CALN1: variants seen among roughly 807,000 people sequenced by gnomAD.
CALN1 encodes calneuron 1.
A neutral mutation model predicts 30.6 loss-of-function variants in CALN1; 17 were observed. The observed-to-expected ratio is 0.56, with a 90% CI of 0.38 to 0.83. The LOEUF is 0.83. Among genes scored for constraint, CALN1 ranks in the 40% least tolerant of loss-of-function variants. The pLI is 0.00. For missense variants in CALN1, 291 were observed against 354.9 expected (o/e 0.82, Z 1.45); for synonymous variants, 156 against 131.4 (o/e 1.19, Z -1.28).
chr7:72,469,649 T>C, the CALN1 span, among the ~76,000 whole-genome samples: 1 of 152,174 alleles, frequency 6.6e-6, no homozygotes, highest in African/African-American at 2.4e-5. Context: ...TCCACCCACG[T>C]AGGCCTCCCA....
chr7:72,423,975 GAGGGAGGA>G (rs1269577443), intron 1 of CALN1, among the ~76,000 whole-genome samples: 3 of 123,750 alleles, frequency 2.4e-5, no homozygotes, highest in African/African-American at 6.1e-5. Context: ...GGGAGGGAGG[GAGGGAGGA>G]AGGAAGGAAG....
At chr7:72,159,289 G>T (rs1363058122) in intron 3 of CALN1, among the ~76,000 whole-genome samples, 1 of 152,162 alleles carries the variant, frequency 6.6e-6, no homozygotes, top group Non-Finnish European at 1.5e-5. Flanking sequence ...TTGTGGTAGA[G>T]ATTTAAAGAA....
chr7:71,790,342 G>GA (rs67187854), intron 6 of CALN1, among the ~76,000 whole-genome samples: 1,966 of 112,232 alleles, frequency 0.018, 27 homozygotes, highest in East Asian at 0.089. Flanking sequence ...AAGAAAGAAA[G>GA]AAAGAAAAGA....
At chr7:72,412,957 G>T (rs1227786934), upstream of CALN1, among the ~76,000 whole-genome samples, 8 of 152,208 alleles carry the variant, frequency 5.3e-5, no homozygotes, top group African/African-American at 9.7e-5. Flanking sequence ...AGCTGGTCTA[G>T]CTCCGAGAAG....
intron 3 of CALN1, 49 bp from the exon 4 acceptor site, chr7:72,106,343 T>C (rs780846953): frequency 5.6e-6 from 9 of 1,610,356 alleles, no homozygotes; most frequent in South Asian, 1.1e-5. Context: ...GCTGGCTTTA[T>C]TGCACTGCAG....
chr7:72,149,772 T>C lies in CALN1; in HGVS notation c.245-43478A>G, dbSNP rs186636938. On this transcript the variant is annotated intron_variant, in intron 3 of 6. Transcript: ENST00000395275. ...CTCATTACCACAGTGATTGGCTTCT[T>C]GCACATGGGCAGAAAGGACCTGGTC... Among the ~76,000 whole-genome samples, 9 of 152,208 alleles carry C rather than the reference T, an allele frequency of 5.9e-5. No individual in the cohort carries two copies. In the East Asian group the frequency reaches 1.7e-3, roughly 30 times the overall value.
intron 1 of CALN1, among the ~76,000 whole-genome samples, chr7:72,409,499 G>C (rs557392835): frequency 1.4e-5 from 2 of 148,092 alleles, no homozygotes; most frequent in South Asian, 2.4e-4. Context: ...TAGTCTGAGT[G>C]GACTGGCCAA....
At chr7:72,306,267 A>C (rs113027783) in intron 2 of CALN1, among the ~76,000 whole-genome samples, 1 of 152,324 alleles carries the variant, frequency 6.6e-6, no homozygotes, top group African/African-American at 2.4e-5. Context: ...ATCTCTATTC[A>C]CATAGCTAGA....
intron 3 of CALN1, among the ~76,000 whole-genome samples, chr7:72,144,051 G>A (rs542238985): frequency 2.6e-5 from 4 of 152,196 alleles, no homozygotes; most frequent in African/African-American, 9.6e-5. Context: ...TCGAGGCTAG[G>A]AAGAAACTGC....
At chr7:71,798,174 A>AGAGAGAGAGAGG (rs1562788187) in intron 6 of CALN1, among the ~76,000 whole-genome samples, 1 of 132,016 alleles carries the variant, frequency 7.6e-6, no homozygotes, top group African/African-American at 2.8e-5. Context: ...AGAGAGAGAG[A>AGAGAGAGAGAGG]GATGTTGCTT....
At chr7:72,039,083 G>A (rs1324358090) in intron 4 of CALN1, among the ~76,000 whole-genome samples, 1 of 152,192 alleles carries the variant, frequency 6.6e-6, no homozygotes, top group Non-Finnish European at 1.5e-5. Flanking sequence ...AGAACTACAG[G>A]TGTGAGCCAC....
chr7:71,886,562 C>T (rs1792919369), intron 5 of CALN1, among the ~76,000 whole-genome samples: 1 of 152,090 alleles, frequency 6.6e-6, no homozygotes, highest in South Asian at 2.1e-4. Context: ...CATCTGAGGT[C>T]AGGAGTTCGA....
At chr7:71,864,055 A>G (rs1326281991) in intron 5 of CALN1, among the ~76,000 whole-genome samples, 2 of 152,024 alleles carry the variant, frequency 1.3e-5, no homozygotes, top group Admixed American at 6.6e-5. Flanking sequence ...CAGATTCTCT[A>G]TTGAGGTTAG....
intron 3 of CALN1, among the ~76,000 whole-genome samples, chr7:72,222,404 G>T (rs1793372055): frequency 6.6e-6 from 1 of 152,108 alleles, no homozygotes; most frequent in East Asian, 1.9e-4. Context: ...CATGGCAAAA[G>T]CAGGAGCAAG....
the CALN1 span, among the ~76,000 whole-genome samples, chr7:72,496,044 C>T: frequency 6.6e-6 from 1 of 152,194 alleles, no homozygotes; most frequent in African/African-American, 2.4e-5. Context: ...CCTCAGTCTC[C>T]CAAGTAGCTG....
chr7:72,219,707 C>T (rs1793127182), intron 3 of CALN1, among the ~76,000 whole-genome samples: 2 of 151,620 alleles, frequency 1.3e-5, no homozygotes, highest in South Asian at 4.2e-4. Context: ...AATGCACACA[C>T]ACGCACGTGC....
intron 3 of CALN1, among the ~76,000 whole-genome samples, chr7:72,241,253 C>T (rs1005324892): frequency 6.6e-6 from 1 of 152,202 alleles, no homozygotes; most frequent in Non-Finnish European, 1.5e-5. Context: ...CTTACACCAG[C>T]CATGGACTAG....
intron 2 of CALN1, among the ~76,000 whole-genome samples, chr7:72,347,270 G>A (rs189796707): frequency 8.8e-5 from 13 of 148,438 alleles, no homozygotes; most frequent in African/African-American, 2.2e-4. Context: ...TTTTTGAGAC[G>A]GAGTTCCCCT....
At chr7:72,041,757 T>C (rs893800996) in intron 4 of CALN1, among the ~76,000 whole-genome samples, 1 of 152,082 alleles carries the variant, frequency 6.6e-6, no homozygotes, top group African/African-American at 2.4e-5. Context: ...GGTAATTGGA[T>C]CATGGGGGTG....
Sources: allele counts gnomAD v4.1 joint callset (sites outside exome capture counted in the v4.1 genomes callset), GRCh38; gene constraint gnomAD v4.1.1; transcripts MANE v1.5; gene names NCBI Gene and HGNC (gene_info 2026-07-23, HGNC 2026-07-21).